SLC25A26: variants seen among roughly 807,000 people sequenced by gnomAD.
SLC25A26 encodes the protein mitochondrial S-adenosylmethionine carrier protein.
Under a neutral mutation model 37.8 loss-of-function variants are expected in SLC25A26, and 36 were observed. The ratio of observed to expected loss-of-function variants is 0.95; its 90% CI spans 0.73 to 1.26. The LOEUF (loss-of-function observed/expected upper bound fraction) is 1.26, where lower values mean the gene tolerates loss of function less well. SLC25A26 is among the 50% of genes most tolerant of loss of function. The pLI, the probability that SLC25A26 is intolerant of heterozygous loss-of-function variation, is 0.00. For missense variants in SLC25A26, 390 were observed against 331.1 expected (o/e 1.18, Z -1.38); for synonymous variants, 129 against 122.5 (o/e 1.05, Z -0.35).
At chr3:66,184,548 C>T in intron 1 of SLC25A26, among the ~76,000 whole-genome samples, 1 of 19,356 alleles carries the variant, frequency 5.2e-5, no homozygotes, top group East Asian at 1.4e-3. Flanking sequence ...CTGGGCCAGA[C>T]ACTCATCCTC....
At chr3:66,246,398 G>C (rs1210743165) in intron 3 of SLC25A26, among the ~76,000 whole-genome samples, 2 of 152,076 alleles carry the variant, frequency 1.3e-5, no homozygotes, top group African/African-American at 4.8e-5. Flanking sequence ...TAATAGGTAG[G>C]GCATATAGTA....
upstream of SLC25A26, among the ~76,000 whole-genome samples, chr3:66,220,140 T>G (rs894887076): frequency 1.3e-5 from 2 of 152,198 alleles, no homozygotes; most frequent in African/African-American, 4.8e-5. Flanking sequence ...ATATTTTCAG[T>G]GCTTGCTCTG....
chr3:66,212,004 G>A (rs899350677), intron 1 of SLC25A26, among the ~76,000 whole-genome samples: 11 of 152,160 alleles, frequency 7.2e-5, no homozygotes, highest in Admixed American at 6.5e-4. Flanking sequence ...TTCAGTTACC[G>A]AGTGAACCGA....
chr3:66,254,945 A>C (rs1248740889), intron 3 of SLC25A26, among the ~76,000 whole-genome samples: 1 of 152,226 alleles, frequency 6.6e-6, no homozygotes, highest in Non-Finnish European at 1.5e-5. Context: ...TTCCAGAACT[A>C]GAGGACAGGG....
chr3:66,377,486 T>C (rs1700737977), intron 9 of SLC25A26, among the ~76,000 whole-genome samples: 1 of 151,826 alleles, frequency 6.6e-6, no homozygotes, highest in Non-Finnish European at 1.5e-5. Flanking sequence ...ATCAATTTCA[T>C]GTTTCAAAGG....
chr3:66,191,347 A>G (rs1318984005), intron 1 of SLC25A26, among the ~76,000 whole-genome samples: 2 of 152,200 alleles, frequency 1.3e-5, no homozygotes, highest in Admixed American at 6.5e-5. Flanking sequence ...GTGAGCTGTG[A>G]CTGTGCCACT....
At chr3:66,313,784 C>T (rs2075451690) in intron 5 of SLC25A26, among the ~76,000 whole-genome samples, 1 of 152,180 alleles carries the variant, frequency 6.6e-6, no homozygotes, top group African/African-American at 2.4e-5. Flanking sequence ...TTTGTGTCCT[C>T]TCTGATTTCC....
chr3:66,254,776 T>G (rs1315820281), intron 3 of SLC25A26, among the ~76,000 whole-genome samples: 1 of 152,256 alleles, frequency 6.6e-6, no homozygotes, highest in African/African-American at 2.4e-5. Flanking sequence ...CATAATTAGC[T>G]TCTAATATCA....
At chr3:66,185,098 GT>G (rs1272603163) in intron 1 of SLC25A26, among the ~76,000 whole-genome samples, 3 of 152,124 alleles carry the variant, frequency 2.0e-5, no homozygotes, top group Non-Finnish European at 2.9e-5. Flanking sequence ...CTCTGTACCC[GT>G]TAAATAACAA....
intron 2 of SLC25A26, among the ~76,000 whole-genome samples, chr3:66,238,403 G>T (rs1386381096): frequency 6.6e-6 from 1 of 151,918 alleles, no homozygotes; most frequent in Non-Finnish European, 1.5e-5. Context: ...TTTTTGAGAT[G>T]GAGTCTTGCT....
chr3:66,242,399 A>G (rs976711107), intron 2 of SLC25A26, among the ~76,000 whole-genome samples: 5 of 152,202 alleles, frequency 3.3e-5, no homozygotes, highest in African/African-American at 9.7e-5. Flanking sequence ...CATTTAGCCT[A>G]GTGTATATTT....
intron 5 of SLC25A26, among the ~76,000 whole-genome samples, chr3:66,299,277 C>G (rs577829681): frequency 4.9e-4 from 74 of 152,214 alleles, no homozygotes; most frequent in African/African-American, 1.7e-3. Flanking sequence ...CTGCAACCTC[C>G]GCCTCCTGGG....
intron 1 of SLC25A26, among the ~76,000 whole-genome samples, chr3:66,145,574 A>G (rs1455942241): frequency 6.6e-6 from 1 of 152,206 alleles, no homozygotes; most frequent in African/African-American, 2.4e-5. Context: ...AGAGTGTACA[A>G]TATATAACTT....
intron 1 of SLC25A26, among the ~76,000 whole-genome samples, chr3:66,234,809 T>C (rs2107003708): frequency 6.6e-6 from 1 of 152,358 alleles, no homozygotes; most frequent in East Asian, 1.9e-4. Context: ...TGAATAATAC[T>C]GATGATCTTT....
In SLC25A26 at chr3:66,370,594, G is replaced by C. The variant is rs759968639; in HGVS notation, c.699G>C (p.Gly233=). 6 of 1,613,444 alleles carry C rather than the reference G, an allele frequency of 3.7e-6. No individual in the cohort carries two copies. The African/African-American group carries it at 5.3e-5, about 14-fold the overall frequency. Residue 233 remains glycine (G), a synonymous_variant, in exon 9 of 10, where the codon GGG becomes GGC. Transcript: ENST00000354883. ...SVLHGVWRSQ[G]LAGLFAGVFP... ...TGCATGGGGTCTGGCGGTCACAGGG[G>C]CTGGCAGGGTAAGACGAGGAATGCC...
At chr3:66,208,661 G>GTTATAT (rs2071212471) in intron 1 of SLC25A26, among the ~76,000 whole-genome samples, 1 of 23,760 alleles carries the variant, frequency 4.2e-5, no homozygotes, top group South Asian at 2.4e-3. Context: ...CCTTTATATG[G>GTTATAT]GTATATATAT....
At chr3:66,355,035 A>G (rs963352435) in intron 6 of SLC25A26, among the ~76,000 whole-genome samples, 4 of 152,122 alleles carry the variant, frequency 2.6e-5, no homozygotes, top group African/African-American at 9.7e-5. Flanking sequence ...ACTAATAAGA[A>G]CCACAGATAG....
intron 9 of SLC25A26, among the ~76,000 whole-genome samples, chr3:66,372,106 C>A (rs1404636097): frequency 2.6e-5 from 4 of 152,140 alleles, no homozygotes; most frequent in Admixed American, 2.0e-4. Context: ...AAAACAACAA[C>A]AAAAAAGTTC....
intron 3 of SLC25A26, among the ~76,000 whole-genome samples, chr3:66,249,842 A>G (rs2073009967): frequency 2.0e-5 from 3 of 152,356 alleles, no homozygotes; most frequent in East Asian, 1.9e-4. Flanking sequence ...AGGTTCATCA[A>G]TAGTGTATGA....
Sources: gnomAD v4.1 joint callset for allele counts (sites outside exome capture counted in the v4.1 genomes callset) on GRCh38, gnomAD v4.1.1 for gene constraint, MANE v1.5 for transcripts, NCBI Gene and HGNC (gene_info 2026-07-23, HGNC 2026-07-21) for gene names.